The following OCIAD1 variants were observed in gnomAD, a reference collection of about 807,000 sequenced individuals.
OCIAD1 encodes OCIA domain containing 1.
Under a neutral mutation model 38.9 loss-of-function variants are expected in OCIAD1, and 29 were observed. That is an observed-to-expected ratio of 0.74 (90% CI 0.55 to 1.02). The LOEUF is 1.02. OCIAD1 is among the 50% of genes least tolerant of loss of function. The pLI is 0.00. For missense variants in OCIAD1, 288 were observed against 289.6 expected (o/e 0.99, Z 0.04); for synonymous variants, 110 against 92.0 (o/e 1.20, Z -1.12).
At chr4:48,815,270 G>A (rs758667455) in intron 1 of OCIAD1, among the ~76,000 whole-genome samples, 14 of 152,122 alleles carry the variant, frequency 9.2e-5, no homozygotes, top group East Asian at 3.9e-4. Context: ...CTGAGGTCGC[G>A]CCACACTCCA....
chr4:48,826,120 G>T (rs532869249), upstream of OCIAD1, among the ~76,000 whole-genome samples: 4 of 152,072 alleles, frequency 2.6e-5, no homozygotes, highest in Admixed American at 6.6e-5. Context: ...TTACAGGCAT[G>T]AGCTACTGTG....
chr4:48,838,035 C>T (rs749439963), intron 3 of OCIAD1, among the ~76,000 whole-genome samples: 2 of 151,824 alleles, frequency 1.3e-5, no homozygotes, highest in African/African-American at 2.4e-5. Context: ...AGACAAAAAG[C>T]GGCTGGGCTT....
intron 6 of OCIAD1, among the ~76,000 whole-genome samples, chr4:48,850,905 A>AT (rs1779397981): frequency 6.6e-6 from 1 of 152,154 alleles, no homozygotes; most frequent in African/African-American, 2.4e-5. Flanking sequence ...GTTGTGTCCT[A>AT]TTGGGAGTAC....
rs1579090650 is a variant in OCIAD1 at position 48,848,444 on chromosome 4, T to C, written c.239T>C (p.Ile80Thr). The C allele has an allele frequency of 4.2e-6, 6 of 1,439,946 alleles. No homozygotes were observed. Among genetic ancestry groups the C allele is most frequent in the East Asian group, 2.3e-5 (1 of 42,946 alleles). 89.2% of individuals were successfully genotyped at this position (1,439,946 alleles called of 1,614,324 possible). A position where few individuals can be genotyped will look rare whatever the true frequency, so the allele number is the denominator to read the frequency against. Residue 80 changes from isoleucine to threonine, a missense_variant and splice_region_variant, in exon 5 of 9, where the codon ATA becomes ACA. Coordinates refer to ENST00000264312, the MANE Select transcript of OCIAD1 (RefSeq NM_017830.4). Reference sequence around the variant, plus strand: ...AAATATGGTTCCATCCCTAAACTTATACGTAAGTATGAACAACATTGTAGT... The same window carrying C: ...AAATATGGTTCCATCCCTAAACTTACACGTAAGTATGAACAACATTGTAGT... ...HPKYGSIPKL[I>T]LACIMGYFAG...
intron 7 of OCIAD1, among the ~76,000 whole-genome samples, chr4:48,854,966 T>C (rs1779888019): frequency 6.6e-6 from 1 of 152,254 alleles, no homozygotes; most frequent in South Asian, 2.1e-4. Context: ...ATTTTTTTAT[T>C]CCTTCCAGTT....
intron 3 of OCIAD1, among the ~76,000 whole-genome samples, chr4:48,836,081 G>GT (rs1008699307): frequency 2.0e-4 from 31 of 152,038 alleles, no homozygotes; most frequent in South Asian, 2.1e-4. Flanking sequence ...GATATGTAAG[G>GT]TTTTTTTTAA....
At chr4:48,830,139 C>T (rs1269595446), upstream of OCIAD1, among the ~76,000 whole-genome samples, 6 of 152,156 alleles carry the variant, frequency 3.9e-5, no homozygotes, top group Non-Finnish European at 7.4e-5. Flanking sequence ...AAGAAAGTGA[C>T]GCTCAAAAGG....
intron 8 of OCIAD1, 88 bp downstream of exon 8, chr4:48,857,453 T>A: frequency 1.4e-6 from 1 of 720,462 alleles, no homozygotes; most frequent in Non-Finnish European, 2.1e-6. Context: ...AATTAATTAA[T>A]ATGTGATTTA....
intron 1 of OCIAD1, among the ~76,000 whole-genome samples, chr4:48,816,923 T>C (rs1193198689): frequency 6.6e-6 from 1 of 152,010 alleles, no homozygotes; most frequent in Non-Finnish European, 1.5e-5. Context: ...TGAGTGGAGA[T>C]TGGGCCACTG....
chr4:48,852,815 G>A (rs180704702), intron 7 of OCIAD1, among the ~76,000 whole-genome samples: 2 of 151,326 alleles, frequency 1.3e-5, no homozygotes, highest in East Asian at 3.9e-4. Context: ...GGAAATACAG[G>A]TCTGTAATTC....
chr4:48,842,322 T>G (rs1413628558), intron 3 of OCIAD1, among the ~76,000 whole-genome samples: 1 of 152,256 alleles, frequency 6.6e-6, no homozygotes, highest in African/African-American at 2.4e-5. Context: ...ACTTCAGAAG[T>G]AATTTTGAGT....
chr4:48,821,890 C>A (rs777079658), intron 1 of OCIAD1, among the ~76,000 whole-genome samples: 9 of 151,874 alleles, frequency 5.9e-5, no homozygotes, highest in Non-Finnish European at 1.0e-4. Context: ...CAAGGAAATA[C>A]GAGAGGACAC....
chr4:48,806,733 G>A (rs1170796947), intron 1 of OCIAD1, among the ~76,000 whole-genome samples: 2 of 152,078 alleles, frequency 1.3e-5, no homozygotes, highest in African/African-American at 2.4e-5. Flanking sequence ...AGCCTCCCGA[G>A]TACCTGGGAC....
chr4:48,834,001 AATAT>A (rs1031993454), intron 3 of OCIAD1, among the ~76,000 whole-genome samples: 1 of 151,950 alleles, frequency 6.6e-6, no homozygotes, highest in Admixed American at 6.6e-5. Flanking sequence ...TGATTAAAGA[AATAT>A]ATATATATTT....
Position 48,833,382 on chromosome 4 carries a change from G to C in OCIAD1, c.59-19G>C. 6.8e-7 allele frequency: 1 copy of C among 1,462,098 alleles called. No homozygotes were observed. Among genetic ancestry groups the C allele is most frequent in the Non-Finnish European group, 9.5e-7 (1 of 1,054,698 alleles). The allele number at this position is 1,462,098 out of a possible 1,614,324, so 90.6% of individuals were successfully genotyped here. A position where few individuals can be genotyped will look rare whatever the true frequency, so the allele number is the denominator to read the frequency against. On this transcript the variant is annotated intron_variant, in intron 2 of 8. Transcript: ENST00000264312. ...TATTATGGATAATTTAATGTTTTCT[G>C]ATTTTCCCTGGTAAAAAGACATAGG...
chr4:48,831,296 C>G (rs151300483), intron 1 of OCIAD1, 47 bp downstream of exon 1: 2 of 359,324 alleles, frequency 5.6e-6, no homozygotes, highest in South Asian at 2.0e-5. Flanking sequence ...TCCGCGTATC[C>G]CCTCACCACC....
intron 6 of OCIAD1, among the ~76,000 whole-genome samples, chr4:48,851,060 CA>C (rs1779411492): frequency 6.6e-6 from 1 of 152,202 alleles, no homozygotes; most frequent in African/African-American, 2.4e-5. Context: ...GCTTCTTAAA[CA>C]GATAGGCAAG....
intron 1 of OCIAD1, among the ~76,000 whole-genome samples, chr4:48,805,945 G>C (rs1212735429): frequency 6.6e-6 from 1 of 152,066 alleles, no homozygotes; most frequent in Non-Finnish European, 1.5e-5. Context: ...TTCATGTCCG[G>C]CTTCTTTAGC....
chr4:48,852,882 G>GTTTTTTTTTTTTTTTT (rs1439653723), intron 7 of OCIAD1, among the ~76,000 whole-genome samples: 13 of 126,302 alleles, frequency 1.0e-4, no homozygotes, highest in African/African-American at 4.1e-4. Flanking sequence ...TTTGTTTTTT[G>GTTTTTTTTTTTTTTTT]TTTTTTTTTT....
Sources: gnomAD v4.1 joint callset for allele counts (sites outside exome capture counted in the v4.1 genomes callset) on GRCh38, gnomAD v4.1.1 for gene constraint, MANE v1.5 for transcripts, NCBI Gene and HGNC (gene_info 2026-07-23, HGNC 2026-07-21) for gene names.